RNF123: variants seen among roughly 807,000 people sequenced by gnomAD.
RNF123 encodes E3 ubiquitin-protein ligase RNF123.
A neutral mutation model predicts 168.5 loss-of-function variants in RNF123; 86 were observed. The ratio of observed to expected loss-of-function variants is 0.51; its 90% CI spans 0.43 to 0.61. The LOEUF (loss-of-function observed/expected upper bound fraction) is 0.61. RNF123 is among the 20% of genes least tolerant of loss of function. The probability of loss-of-function intolerance (pLI) is 0.00; values close to 1 mark genes in which losing one functional copy is unlikely to be tolerated. For missense variants in RNF123, 1,419 were observed against 1,729.7 expected (o/e 0.82, Z 3.19); for synonymous variants, 666 against 689.1 (o/e 0.97, Z 0.52).
At position 49,710,737 on chromosome 3, in the gene RNF123, A is replaced by C. The variant is rs528758272; in HGVS notation, c.2497-1742A>C. Among the ~76,000 whole-genome samples the C allele has an allele frequency of 3.3e-5, 5 of 152,206 alleles. No homozygotes were observed. In the East Asian group the frequency reaches 5.8e-4, roughly 18 times the overall value. On this transcript the variant is annotated intron_variant, in intron 26 of 38. Transcript: ENST00000327697. ...GTGGTTTCCTTTCTTTTTCATGCTT[A>C]GTTGCTCTGGCTGGGATTTCCAGGA... is the stretch of plus-strand genomic sequence containing the variant.
chr3:49,704,485 A>G (rs2054471746), intron 21 of RNF123, among the ~76,000 whole-genome samples, 165 bp from the exon 22 acceptor site: 1 of 152,000 alleles, frequency 6.6e-6, no homozygotes, highest in African/African-American at 2.4e-5. Flanking sequence ...ATGCAGAGTG[A>G]AGGCTGGGTG....
rs765589773 is a variant in RNF123 at position 49,700,256 on chromosome 3, C to T, written c.1014C>T (p.Leu338=). The T allele has an allele frequency of 1.2e-6, 2 of 1,614,186 alleles. No homozygotes were observed. Among genetic ancestry groups the T allele is most frequent in the Non-Finnish European group, 1.7e-6 (2 of 1,180,034 alleles). The change falls in exon 13 of 39, where the codon CTC becomes CTT. Residue 338 remains leucine, a synonymous_variant. Coordinates refer to ENST00000327697, the MANE Select transcript of RNF123 (RefSeq NM_022064.5). ...AGGTGTATCTGGTGGAGGCTGTGCT[C>T]ATGAGCTTCTTGCTGGGCATCGTGG... ...LRKVYLVEAV[L]MSFLLGIVEK...
chr3:49,720,641 T>G lies in RNF123; in HGVS notation c.3631T>G (p.Ser1211Ala), dbSNP rs1410093745. Residue 1211 changes from serine (S) to alanine (A), a missense_variant, in exon 36 of 39, where the codon TCC becomes GCC. This residue lies in a region of RNF123 where 164 missense variants were observed against 152.3 expected (regional missense o/e 1.08). Transcript: ENST00000327697. The stretch of plus-strand genomic sequence containing the variant: ...GCCAGCCCCTGACCGGAAGCGCTTC[T>G]CCCTGCAGAGCTGTGAGTGGGCTGG... ...ALPAPDRKRF[S>A]LQSYADYISA... The G allele has an allele frequency of 1.2e-6, 2 of 1,600,864 alleles. No individual in the cohort carries two copies. The highest frequency in any genetic ancestry group is 2.2e-5 in the South Asian group (2 of 89,942).
At chr3:49,693,296 C>T (rs2054204604) in intron 3 of RNF123, among the ~76,000 whole-genome samples, 1 of 150,688 alleles carries the variant, frequency 6.6e-6, no homozygotes, top group Admixed American at 6.6e-5. Flanking sequence ...GATCCGCCCA[C>T]CTCGGCCTCC....
Position 49,718,610 on chromosome 3 carries a change from C to T in RNF123, c.3501-1901C>T, listed in dbSNP as rs767578681. On this transcript the variant is annotated intron_variant, in intron 35 of 38. Transcript: ENST00000327697. ...CGACCCACCAGCGCGTACAGGTGCT[C>T]TTCCGGCCGCTCTAGGCCAAGAGCT... The T allele has an allele frequency of 6.2e-6, 10 of 1,613,002 alleles. No homozygotes were observed. The Admixed American group carries it at 1.0e-4, about 16-fold the overall frequency.
chr3:49,718,015 A>G lies in RNF123; in HGVS notation c.3500+1538A>G. On this transcript the variant is annotated intron_variant, in intron 35 of 38. Transcript: ENST00000327697. ...GGACTCAGAGCCAGCCTTCAGCTGC[A>G]GGCCTCCAGGGTTGTAGAGATCGAA... 2 of 1,613,654 alleles carry G rather than the reference A, an allele frequency of 1.2e-6. No homozygotes were observed. Among genetic ancestry groups the G allele is most frequent in the African/African-American group, 1.3e-5 (1 of 75,070 alleles).
chr3:49,712,673 G>C lies in RNF123; in HGVS notation c.2674+17G>C. On this transcript the variant is annotated intron_variant, in intron 27 of 38. Transcript: ENST00000327697. ...AGCTCCCAGGTGATGGAACCATTCA[G>C]GCTGAGGCAGAAGCAGAAAAGGGGT... 6.2e-7 allele frequency: 1 copy of C among 1,614,042 alleles called. No individual in the cohort carries two copies. The highest frequency in any genetic ancestry group is 8.5e-7 in the Non-Finnish European group (1 of 1,179,976).
intron 1 of RNF123, among the ~76,000 whole-genome samples, chr3:49,690,632 G>A (rs1410018894): frequency 6.6e-6 from 1 of 152,238 alleles, no homozygotes; most frequent in Non-Finnish European, 1.5e-5. Context: ...CAGGGCTGAG[G>A]AAAGAGGCTC....
chr3:49,718,548 G>A, intron 35 of RNF123: 1 of 1,613,194 alleles, frequency 6.2e-7, no homozygotes, highest in Admixed American at 1.7e-5. Flanking sequence ...CAATGCGCAT[G>A]GCCGGGACGC....
In RNF123 at chr3:49,715,555, C is replaced by T. The variant is rs541432789; in HGVS notation, c.3011-20C>T. 50 of 1,613,270 alleles carry T rather than the reference C, an allele frequency of 3.1e-5. No individual in the cohort carries two copies. In the East Asian group the frequency reaches 7.4e-4, roughly 24 times the overall value. The stretch of plus-strand genomic sequence containing the variant: ...ACTGCAGTGGAGTCCCTGATGATGC[C>T]GCCTCCTGTCCCCCTGCAGAGCCCT... On this transcript the variant is annotated intron_variant, in intron 31 of 38. Coordinates refer to ENST00000327697, the MANE Select transcript of RNF123 (RefSeq NM_022064.5).
chr3:49,710,928 C>T (rs2080133179), intron 26 of RNF123, among the ~76,000 whole-genome samples: 1 of 152,182 alleles, frequency 6.6e-6, no homozygotes, highest in Non-Finnish European at 1.5e-5. Context: ...TCAGCACTAA[C>T]TCACCTGTGT....
chr3:49,691,782 C>G (rs1323650528), intron 3 of RNF123, among the ~76,000 whole-genome samples: 1 of 152,248 alleles, frequency 6.6e-6, no homozygotes, highest in Non-Finnish European at 1.5e-5. Context: ...GGCACCTACT[C>G]CATACCCAGC....
chr3:49,702,370 C>T lies in RNF123; in HGVS notation c.1594C>T (p.Arg532Cys), dbSNP rs372222420. ...ASRYIFLTKF[R>C]KFLQENASGR... is the part of the protein sequence containing the mutation. ...TAGGTATATCTTCCTGACCAAGTTT[C>T]GCAAGTTTCTGCAGGAGAACGCCAG... is the stretch of plus-strand genomic sequence containing the variant. The change falls in exon 19 of 39, where the codon CGC becomes TGC. Residue 532 changes from arginine (R) to cysteine (C), a missense_variant. Arg to Cys is a radical substitution (Grantham distance 180). Around this residue, in one of 5 missense-constraint regions of RNF123, gnomAD observed 349 missense variants for 344.9 expected, o/e 1.01. Transcript: ENST00000327697. 4 of 1,614,218 alleles carry T rather than the reference C, an allele frequency of 2.5e-6. No individual in the cohort carries two copies. Among genetic ancestry groups the T allele is most frequent in the Admixed American group, 1.7e-5 (1 of 60,026 alleles).
At chr3:49,719,544 C>A (rs2080340889) in intron 35 of RNF123, 3 of 1,257,208 alleles carry the variant, frequency 2.4e-6, no homozygotes, top group Admixed American at 2.2e-5. Flanking sequence ...TGCTCTAGTG[C>A]GACATGGGTG....
intron 3 of RNF123, 101 bp from the exon 4 acceptor site, chr3:49,697,042 T>C (rs1484183781): frequency 2.0e-6 from 2 of 1,000,104 alleles, no homozygotes; most frequent in Non-Finnish European, 1.6e-6. Flanking sequence ...TTCTGGAGTC[T>C]AGGCAGCCCC....
At chr3:49,692,089 A>G (rs1279951618) in intron 3 of RNF123, among the ~76,000 whole-genome samples, 3 of 152,156 alleles carry the variant, frequency 2.0e-5, no homozygotes, top group Non-Finnish European at 4.4e-5. Context: ...ACAATAAAAT[A>G]CAGAAATTAC....
intron 26 of RNF123, among the ~76,000 whole-genome samples, chr3:49,711,995 C>G (rs990763520): frequency 2.0e-5 from 3 of 152,124 alleles, no homozygotes; most frequent in Admixed American, 2.0e-4. Flanking sequence ...CAGGCTGAGG[C>G]AGGCAGATCA....
rs745932563 is a variant in RNF123, at chr3:49,700,406, G to A, written c.1110+54G>A. On this transcript the variant is annotated intron_variant, in intron 13 of 38. Coordinates refer to ENST00000327697, the MANE Select transcript of RNF123 (RefSeq NM_022064.5). ...CTGGCTGTCAGTCTTCACTGGGGTCGGGAAGATACGGGGAGAATCTTGGAA... is the reference window on the plus strand; with the variant it reads ...CTGGCTGTCAGTCTTCACTGGGGTCAGGAAGATACGGGGAGAATCTTGGAA... 3.3e-5 allele frequency: 53 copies of A among 1,612,206 alleles called. No homozygotes were observed. The Admixed American group carries it at 7.2e-4, about 22-fold the overall frequency.
intron 22 of RNF123, 85 bp from the exon 23 acceptor site, chr3:49,704,899 T>C: frequency 2.8e-6 from 4 of 1,421,862 alleles, no homozygotes; most frequent in Non-Finnish European, 3.8e-6. Context: ...GGTGGAGGCA[T>C]GGACCCTCCC....
Sources: gnomAD v4.1 joint callset for allele counts (sites outside exome capture counted in the v4.1 genomes callset) on GRCh38, gnomAD v4.1.1 for gene constraint, gnomAD v4.1.1 regional missense constraint, MANE v1.5 for transcripts, NCBI Gene and HGNC (gene_info 2026-07-23, HGNC 2026-07-21) for gene names.